Variants in SPTLC1 observed in about 807,000 individuals in gnomAD.
The protein encoded by SPTLC1 is serine palmitoyltransferase 1.
Under a neutral mutation model 68.9 loss-of-function variants are expected in SPTLC1, and 55 were observed. The observed-to-expected ratio is 0.80, with a 90% CI of 0.64 to 1.00. The LOEUF is 1.00. Among genes scored for constraint, SPTLC1 ranks in the 50% least tolerant of loss-of-function variants. SPTLC1 has a pLI of 0.00. For missense variants in SPTLC1, 449 were observed against 573.1 expected (o/e 0.78, Z 2.21); for synonymous variants, 197 against 201.6 (o/e 0.98, Z 0.19).
chr9:92,074,581 C>T (rs930678791), intron 5 of SPTLC1, among the ~76,000 whole-genome samples: 1 of 152,056 alleles, frequency 6.6e-6, no homozygotes, highest in African/African-American at 2.4e-5. Flanking sequence ...AACATGGCCA[C>T]CCTTATCCTG....
At chr9:92,050,966 C>A (rs1833687138) in intron 8 of SPTLC1, 1 of 984,672 alleles carries the variant, frequency 1.0e-6, no homozygotes, top group African/African-American at 1.8e-5. Flanking sequence ...GTGTGAGCCA[C>A]CATGCCCAGC....
intron 5 of SPTLC1, among the ~76,000 whole-genome samples, chr9:92,075,198 T>C (rs1834640309): frequency 1.3e-5 from 2 of 152,116 alleles, no homozygotes; most frequent in East Asian, 1.9e-4. Context: ...TCTACTTATC[T>C]TGGTATAATC....
chr9:92,107,653 G>A (rs1419195632), intron 3 of SPTLC1: 1 of 152,304 alleles, frequency 6.6e-6, no homozygotes, highest in African/African-American at 2.4e-5. Flanking sequence ...TCGGGAGGCT[G>A]AGGCAGGATA....
intron 8 of SPTLC1, chr9:92,050,936 C>A: frequency 1.0e-6 from 1 of 969,782 alleles, no homozygotes; most frequent in African/African-American, 1.8e-5. Context: ...CCTCCGCCAC[C>A]CAAAGTGTTG....
intron 6 of SPTLC1, among the ~76,000 whole-genome samples, chr9:92,066,757 G>T (rs751026478): frequency 8.5e-5 from 13 of 152,148 alleles, no homozygotes; most frequent in Non-Finnish European, 1.6e-4. Context: ...AGTGGCTCAC[G>T]CCTGTAATCC....
intron 13 of SPTLC1, among the ~76,000 whole-genome samples, chr9:92,036,494 T>C (rs1178937092): frequency 1.3e-5 from 2 of 152,238 alleles, no homozygotes; most frequent in East Asian, 1.9e-4. Flanking sequence ...GAGGCAACTG[T>C]CCCTCAACAT....
intron 12 of SPTLC1, among the ~76,000 whole-genome samples, chr9:92,039,414 T>C (rs1833263211): frequency 6.7e-6 from 1 of 148,294 alleles, no homozygotes; most frequent in Non-Finnish European, 1.5e-5. Flanking sequence ...TATGTCATAC[T>C]ACTATTATTA....
At chr9:92,107,934 T>C (rs1291968227) in intron 3 of SPTLC1, 2 of 152,250 alleles carry the variant, frequency 1.3e-5, no homozygotes, top group African/African-American at 4.8e-5. Flanking sequence ...GCAACAGGCA[T>C]ATATGGTAAA....
At position 92,072,932 on chromosome 9, in the gene SPTLC1, G is replaced by GT. The variant is rs1834549697; in HGVS notation, c.428-4835dup. Reference sequence around the variant, plus strand: ...TGGGGATGCTGACTCCTCTTTACCTGTTAACCCCTTCAATCTTTCTCCCCC... The same window carrying GT: ...TGGGGATGCTGACTCCTCTTTACCTGTTTAACCCCTTCAATCTTTCTCCCCC... On this transcript the variant is annotated intron_variant, in intron 5 of 14. Transcript: ENST00000262554. Among the ~76,000 whole-genome samples, 3 of 151,676 alleles carry GT rather than the reference G, an allele frequency of 2.0e-5. No individual in the cohort carries two copies. The South Asian group carries it at 6.3e-4, about 32-fold the overall frequency.
rs569924252 is a variant in SPTLC1, at chr9:92,050,135, A to T, written c.781-68T>A. The T allele has an allele frequency of 1.4e-5, 14 of 1,018,402 alleles. No homozygotes were observed. In the African/African-American group the frequency reaches 2.1e-4, roughly 15 times the overall value. The allele number at this position is 1,018,402 out of a possible 1,614,324, so 63.1% of individuals were successfully genotyped here. A position where few individuals can be genotyped will look rare whatever the true frequency, so the allele number is the denominator to read the frequency against. Reference sequence around the variant, plus strand: ...TATAGAACATATTATGGAGAAAAAAATTAAGATTAAAAAGTATGTACAGCT... The same window carrying T: ...TATAGAACATATTATGGAGAAAAAATTTAAGATTAAAAAGTATGTACAGCT... On this transcript the variant is annotated intron_variant, in intron 8 of 14. Coordinates refer to ENST00000262554, the MANE Select transcript of SPTLC1 (RefSeq NM_006415.4).
intron 4 of SPTLC1, 70 bp from the exon 5 acceptor site, chr9:92,080,158 C>T (rs1468838553): frequency 1.5e-6 from 2 of 1,306,770 alleles, no homozygotes; most frequent in East Asian, 2.5e-5. Flanking sequence ...ATTTCCTATT[C>T]TTTAACCCAC....
intron 12 of SPTLC1, among the ~76,000 whole-genome samples, chr9:92,041,908 A>G (rs1224005478): frequency 6.6e-6 from 1 of 152,196 alleles, no homozygotes; most frequent in African/African-American, 2.4e-5. Context: ...TCTATTTATG[A>G]TTTTAAAAAA....
intron 3 of SPTLC1, among the ~76,000 whole-genome samples, chr9:92,100,881 T>C (rs1163644901): frequency 1.3e-5 from 2 of 150,442 alleles, no homozygotes; most frequent in African/African-American, 4.9e-5. Context: ...GATATTACAC[T>C]ACTGTGTCCT....
intron 14 of SPTLC1, among the ~76,000 whole-genome samples, chr9:92,034,006 T>C (rs1244550132): frequency 1.3e-5 from 2 of 152,244 alleles, no homozygotes; most frequent in African/African-American, 2.4e-5. Flanking sequence ...TCTCCAGCTC[T>C]TCTGCGGCTT....
chr9:92,047,739 C>T lies in SPTLC1; in HGVS notation c.889-31G>A, dbSNP rs1833570809. ...GGAAAAGGAGGAGTGACAGTTATTC[C>T]ACAGTTTAAAGAAAAAAAAGGCCAA... On this transcript the variant is annotated intron_variant, in intron 9 of 14. Transcript: ENST00000262554. The T allele has an allele frequency of 9.8e-6, 15 of 1,525,646 alleles. No individual in the cohort carries two copies. The East Asian group carries it at 3.4e-4, about 34-fold the overall frequency. 94.5% of individuals were successfully genotyped at this position (1,525,646 alleles called of 1,614,324 possible). A position where few individuals can be genotyped will look rare whatever the true frequency, so the allele number is the denominator to read the frequency against.
Position 92,032,565 on chromosome 9 carries a change from A to G in SPTLC1, c.1329-7T>C, listed in dbSNP as rs1269974331. ...CGTGACCACAACCCGAATGCTGAGA[A>G]CAGTAAAGGACACAAAGAATTATCT... On this transcript the variant is annotated splice_region_variant and splice_polypyrimidine_tract_variant and intron_variant, in intron 14 of 14. Transcript: ENST00000262554. The G allele has an allele frequency of 2.5e-6, 4 of 1,613,282 alleles. No homozygotes were observed. In the African/African-American group the frequency reaches 5.4e-5, roughly 22 times the overall value.
chr9:92,087,751 G>A (rs1835205020), intron 3 of SPTLC1, among the ~76,000 whole-genome samples: 1 of 152,222 alleles, frequency 6.6e-6, no homozygotes, highest in African/African-American at 2.4e-5. Context: ...GCTGCGTGCT[G>A]GGAGAACCAC....
rs1159247810 is a variant in SPTLC1 at position 92,047,059 on chromosome 9, T to C, written c.1081+113A>G. 4 of 896,802 alleles carry C rather than the reference T, an allele frequency of 4.5e-6. No individual in the cohort carries two copies. In the East Asian group the frequency reaches 9.7e-5, roughly 22 times the overall value. 55.6% of individuals were successfully genotyped at this position (896,802 alleles called of 1,614,324 possible). On this transcript the variant is annotated intron_variant, in intron 11 of 14. Coordinates refer to ENST00000262554, the MANE Select transcript of SPTLC1 (RefSeq NM_006415.4). ...CATTCTTCCTATGAATGCCATATAA[T>C]GTAACTGCAAACCAGTTTTGTCTGG...
At chr9:92,068,204 C>G in intron 5 of SPTLC1, 106 bp from the exon 6 acceptor site, 1 of 1,071,998 alleles carries the variant, frequency 9.3e-7, no homozygotes, top group East Asian at 2.6e-5. Context: ...ATACTTTCAC[C>G]TTATGGCCAA....
Sources: allele counts gnomAD v4.1 joint callset (sites outside exome capture counted in the v4.1 genomes callset), GRCh38; gene constraint gnomAD v4.1.1; transcripts MANE v1.5; gene names NCBI Gene and HGNC (gene_info 2026-07-23, HGNC 2026-07-21).